The following SEL1L2 variants were observed in gnomAD, a reference collection of about 807,000 sequenced individuals.
SEL1L2 encodes SEL1L2 adaptor subunit of SYVN1 ubiquitin ligase.
In SEL1L2, 89 loss-of-function variants were observed where a neutral mutation model predicts 98.8. The ratio of observed to expected loss-of-function variants is 0.90; its 90% CI spans 0.76 to 1.07. The LOEUF is 1.07. Among genes scored for constraint, SEL1L2 ranks in the 50% least tolerant of loss-of-function variants. SEL1L2 has a pLI of 0.00. For missense variants in SEL1L2, 788 were observed against 812.0 expected (o/e 0.97, Z 0.36); for synonymous variants, 262 against 278.5 (o/e 0.94, Z 0.59).
At chr20:13,899,966 C>T (rs1416622851) in intron 5 of SEL1L2, among the ~76,000 whole-genome samples, 1 of 152,064 alleles carries the variant, frequency 6.6e-6, no homozygotes, top group Non-Finnish European at 1.5e-5. Flanking sequence ...GCCTGTTTTA[C>T]TCTTCTGGAT....
chr20:13,929,534 C>T (rs549497190), intron 3 of SEL1L2, among the ~76,000 whole-genome samples: 2 of 110,362 alleles, frequency 1.8e-5, no homozygotes, highest in East Asian at 3.2e-4. Flanking sequence ...CTCGCTCTGT[C>T]GCCCAGGCTG....
rs2046932090 is a variant in SEL1L2 at position 13,885,975 on chromosome 20, T to G, written c.900+313A>C. Among the ~76,000 whole-genome samples, 4 of 151,576 alleles carry G rather than the reference T, an allele frequency of 2.6e-5. No homozygotes were observed. In the South Asian group the frequency reaches 8.4e-4, roughly 32 times the overall value. On this transcript the variant is annotated intron_variant, in intron 9 of 19. Transcript: ENST00000284951. ...TGGTGTGAACTCGGGAGGCGGAGCTTGCAGTGAGCCGAGATTGTGCCACTG... is the reference window on the plus strand; with the variant it reads ...TGGTGTGAACTCGGGAGGCGGAGCTGGCAGTGAGCCGAGATTGTGCCACTG...
chr20:13,888,102 T>G, intron 6 of SEL1L2, 101 bp from the exon 7 acceptor site: 1 of 918,520 alleles, frequency 1.1e-6, no homozygotes, highest in Non-Finnish European at 1.7e-6. Context: ...AGCTCCATAA[T>G]GACCCATTGA....
chr20:13,912,608 G>A (rs1162467043), intron 5 of SEL1L2, among the ~76,000 whole-genome samples: 1 of 152,058 alleles, frequency 6.6e-6, no homozygotes, highest in Non-Finnish European at 1.5e-5. Flanking sequence ...AATTTTTTCT[G>A]TGGGAGTTCT....
chr20:13,888,633 C>CACTT, intron 5 of SEL1L2, 121 bp from the exon 6 acceptor site: 4 of 232,086 alleles, frequency 1.7e-5, no homozygotes, highest in Non-Finnish European at 2.9e-5. Context: ...TTCTTTCTTT[C>CACTT]TCTTTTTTTT....
At chr20:13,939,397 G>T (rs1407876224) in intron 2 of SEL1L2, among the ~76,000 whole-genome samples, 1 of 151,958 alleles carries the variant, frequency 6.6e-6, no homozygotes, top group Non-Finnish European at 1.5e-5. Context: ...TGTTTTACTA[G>T]TAGAAAATAC....
intron 1 of SEL1L2, among the ~76,000 whole-genome samples, chr20:13,964,318 G>T (rs2050926728): frequency 6.6e-6 from 1 of 152,018 alleles, no homozygotes; most frequent in Admixed American, 6.6e-5. Context: ...TTGCTTTTGT[G>T]TAAGAAATTG....
intron 8 of SEL1L2, among the ~76,000 whole-genome samples, chr20:13,887,373 A>G (rs577449861): frequency 3.3e-5 from 5 of 152,204 alleles, no homozygotes; most frequent in Admixed American, 1.3e-4. Flanking sequence ...ATGTGGTGAC[A>G]GATACCTCCA....
chr20:13,858,045 A>C (rs1029120989), intron 18 of SEL1L2, among the ~76,000 whole-genome samples: 2 of 152,110 alleles, frequency 1.3e-5, no homozygotes, highest in African/African-American at 4.8e-5. Context: ...GGGCAAACAG[A>C]CTGGATTTGG....
Position 13,851,593 on chromosome 20 carries a change from G to C in SEL1L2, c.1819-1274C>G, listed in dbSNP as rs1020573676. 1.8e-4 allele frequency among the ~76,000 whole-genome samples: 26 copies of C among 148,122 alleles called. 1 individual carries two copies. Among genetic ancestry groups the C allele is most frequent in the Non-Finnish European group, 6.0e-5 (4 of 67,192 alleles). On this transcript the variant is annotated intron_variant, in intron 18 of 19. Coordinates refer to ENST00000284951, the MANE Select transcript of SEL1L2 (RefSeq NM_025229.2). ...ATGGCTTTTTTTTTCATCTACTCAT[G>C]CCTTGTTTTATGTGTTGCTTTATTT... is the stretch of plus-strand genomic sequence containing the variant.
At chr20:13,930,238 G>A (rs1679482405) in intron 3 of SEL1L2, among the ~76,000 whole-genome samples, 1 of 152,180 alleles carries the variant, frequency 6.6e-6, no homozygotes. Flanking sequence ...AGGTATGAAG[G>A]GTAAGCAGGA....
intron 11 of SEL1L2, among the ~76,000 whole-genome samples, chr20:13,876,404 CTCTTTTTTTTTT>C (rs2046430631): frequency 1.7e-5 from 2 of 117,268 alleles, no homozygotes; most frequent in Non-Finnish European, 3.3e-5. Flanking sequence ...CTCTCTCTCT[CTCTTTTTTTTTT>C]TTTTTTTTTT....
chr20:13,902,937 G>T (rs372145979), intron 5 of SEL1L2, among the ~76,000 whole-genome samples: 14 of 152,126 alleles, frequency 9.2e-5, no homozygotes, highest in African/African-American at 3.4e-4. Context: ...CCAAAATGGT[G>T]AAACCCCGTC....
intron 2 of SEL1L2, among the ~76,000 whole-genome samples, chr20:13,947,448 C>T (rs905257218): frequency 6.6e-6 from 1 of 152,162 alleles, no homozygotes; most frequent in African/African-American, 2.4e-5. Flanking sequence ...AGGAGCTACC[C>T]ACTTTGGGTC....
chr20:13,960,291 T>C (rs940845395), intron 1 of SEL1L2, among the ~76,000 whole-genome samples: 2 of 152,186 alleles, frequency 1.3e-5, no homozygotes, highest in African/African-American at 4.8e-5. Context: ...AAGTTTATAT[T>C]ATACACTGGT....
chr20:13,867,633 A>G (rs1249642557), intron 14 of SEL1L2, among the ~76,000 whole-genome samples: 1 of 152,248 alleles, frequency 6.6e-6, no homozygotes, highest in Non-Finnish European at 1.5e-5. Flanking sequence ...TAGTTTGCTC[A>G]TCACAGTGGA....
intron 1 of SEL1L2, among the ~76,000 whole-genome samples, chr20:13,974,213 T>C (rs2051419126): frequency 1.3e-5 from 2 of 152,196 alleles, no homozygotes; most frequent in African/African-American, 4.8e-5. Context: ...CTTACTTCTC[T>C]AGATTCTAGA....
intron 1 of SEL1L2, among the ~76,000 whole-genome samples, chr20:13,958,505 A>G (rs1282286651): frequency 6.6e-6 from 1 of 152,156 alleles, no homozygotes; most frequent in Non-Finnish European, 1.5e-5. Context: ...ATGATGTTAG[A>G]CAAAAAGCAA....
intron 1 of SEL1L2, among the ~76,000 whole-genome samples, chr20:13,970,964 T>G (rs1396412827): frequency 6.6e-6 from 1 of 151,316 alleles, no homozygotes; most frequent in Non-Finnish European, 1.5e-5. Context: ...AACTGGCACG[T>G]TTCAATTTTT....
Sources: gnomAD v4.1 joint callset for allele counts (sites outside exome capture counted in the v4.1 genomes callset) on GRCh38, gnomAD v4.1.1 for gene constraint, MANE v1.5 for transcripts, NCBI Gene and HGNC (gene_info 2026-07-23, HGNC 2026-07-21) for gene names.